The following FOXK2 variants were observed in gnomAD, a reference collection of about 807,000 sequenced individuals.
FOXK2 encodes forkhead box K2.
A neutral mutation model predicts 53.3 loss-of-function variants in FOXK2; 24 were observed. The observed-to-expected ratio is 0.45, with a 90% CI of 0.33 to 0.63. The LOEUF (loss-of-function observed/expected upper bound fraction) is 0.63, where lower values mean the gene tolerates loss of function less well. FOXK2 is among the 30% of genes least tolerant of loss of function. The pLI, the probability that FOXK2 is intolerant of heterozygous loss-of-function variation, is 0.03. For synonymous variants in FOXK2, 505 were observed against 407.1 expected, an observed-to-expected ratio of 1.24 and a Z score of -2.89; for missense variants, 952 against 910.5, an observed-to-expected ratio of 1.05 and a Z score of -0.59.
rs1431861781 is a variant in FOXK2, at chr17:82,604,213, T to C, written c.*2714T>C. ...AGGAACAATTTCAGTAGCTTTGCCCTGAACCAAACGAGAAAACAAAAGGGA... is the reference window on the plus strand; with the variant it reads ...AGGAACAATTTCAGTAGCTTTGCCCCGAACCAAACGAGAAAACAAAAGGGA... On this transcript the variant is annotated 3_prime_UTR_variant, in exon 9 of 9. Coordinates refer to ENST00000335255, the MANE Select transcript of FOXK2 (RefSeq NM_004514.4). 6.6e-6 allele frequency: 1 copy of C among 152,252 alleles called. No homozygotes were observed. The highest frequency in any genetic ancestry group is 2.4e-5 in the African/African-American group (1 of 41,420). 9.4% of individuals were successfully genotyped at this position (152,252 alleles called of 1,614,324 possible).
At chr17:82,577,313 A>G (rs905809835) in intron 4 of FOXK2, 34 of 989,406 alleles carry the variant, frequency 3.4e-5, no homozygotes, top group Non-Finnish European at 5.3e-5. Context: ...AACGTTCTCT[A>G]AATATCCAAC....
rs181332586 is a variant in FOXK2 at position 82,564,892 on chromosome 17, G to A, written c.614+1344G>A. On this transcript the variant is annotated intron_variant, in intron 2 of 8. Transcript: ENST00000335255. ...ATTACAGGCATGCACCACCACGCCC[G>A]GCTAATTTTGTATTTTTAGTAGAGA... Among the ~76,000 whole-genome samples the A allele has an allele frequency of 1.8e-3, 278 of 151,964 alleles. 2 individuals carry two copies. The highest frequency in any genetic ancestry group is 2.5e-4 in the Non-Finnish European group (17 of 67,960).
chr17:82,557,205 T>C (rs1473135745), intron 1 of FOXK2, among the ~76,000 whole-genome samples: 1 of 149,078 alleles, frequency 6.7e-6, no homozygotes, highest in Non-Finnish European at 1.5e-5. Flanking sequence ...GCTAATTTTG[T>C]ATTTTTAATA....
At position 82,563,750 on chromosome 17, in the gene FOXK2, C is replaced by CTTTTTTTTTTTTTTTTTTTT. The variant is rs1567975420; in HGVS notation, c.614+202_614+203insTTTTTTTTTTTTTTTTTTTT. On this transcript the variant is annotated intron_variant, in intron 2 of 8. Coordinates refer to ENST00000335255, the MANE Select transcript of FOXK2 (RefSeq NM_004514.4). Reference sequence around the variant, plus strand: ...GTTCCTGGTTTTTATTTACTCATTCCCTTTTTTTTTTTTTTTTTTGAGAAG... The same window carrying CTTTTTTTTTTTTTTTTTTTT: ...GTTCCTGGTTTTTATTTACTCATTCCTTTTTTTTTTTTTTTTTTTTCTTTTTTTTTTTTTTTTTTGAGAAG... Among the ~76,000 whole-genome samples, 2 of 94,616 alleles carry CTTTTTTTTTTTTTTTTTTTT rather than the reference C, an allele frequency of 2.1e-5. 1 individual carries two copies. The allele number at this position is 94,616 out of a possible 152,430, so 62.1% of individuals were successfully genotyped here. A position where few individuals can be genotyped will look rare whatever the true frequency, so the allele number is the denominator to read the frequency against.
intron 1 of FOXK2, among the ~76,000 whole-genome samples, chr17:82,553,111 T>G (rs1241960065): frequency 6.6e-6 from 1 of 152,122 alleles, no homozygotes; most frequent in Middle Eastern, 3.2e-3. Context: ...GATTTTTGTA[T>G]TTTTAGTAGA....
At position 82,534,788 on chromosome 17, in the gene FOXK2, A is replaced by G. The variant is rs1277092893; in HGVS notation, c.419+14481A>G. ...TCCCCAGAAGTAATATTTATTTTCC[A>G]TGGATCTTTTATCTTGTTCTCTCTT... On this transcript the variant is annotated intron_variant, in intron 1 of 8. Coordinates refer to ENST00000335255, the MANE Select transcript of FOXK2 (RefSeq NM_004514.4). Among the ~76,000 whole-genome samples the G allele has an allele frequency of 3.3e-5, 5 of 152,224 alleles. No homozygotes were observed. The South Asian group carries it at 1.0e-3, about 31-fold the overall frequency.
At chr17:82,564,511 C>G (rs2044832751) in intron 2 of FOXK2, among the ~76,000 whole-genome samples, 1 of 151,994 alleles carries the variant, frequency 6.6e-6, no homozygotes, top group African/African-American at 2.4e-5. Context: ...GCTGGGACAA[C>G]AGATGTGCTC....
At chr17:82,553,359 G>A (rs1453320183) in intron 1 of FOXK2, among the ~76,000 whole-genome samples, 1 of 152,250 alleles carries the variant, frequency 6.6e-6, no homozygotes, top group Non-Finnish European at 1.5e-5. Context: ...GGCCATCCTG[G>A]AGGCCACAGC....
chr17:82,568,311 G>C, intron 3 of FOXK2, 110 bp downstream of exon 3: 1 of 1,292,882 alleles, frequency 7.7e-7, no homozygotes, highest in Non-Finnish European at 1.1e-6. Flanking sequence ...AGCCCTGCCA[G>C]GGCATCGGTG....
chr17:82,575,760 T>C (rs563852759), intron 4 of FOXK2, among the ~76,000 whole-genome samples: 2 of 152,158 alleles, frequency 1.3e-5, no homozygotes, highest in African/African-American at 4.8e-5. Flanking sequence ...TGGGCTTGAG[T>C]AACACCCTAG....
intron 4 of FOXK2, among the ~76,000 whole-genome samples, chr17:82,573,208 A>T (rs900738307): frequency 2.0e-5 from 3 of 151,920 alleles, no homozygotes; most frequent in Admixed American, 1.3e-4. Flanking sequence ...GGAAAAAAAA[A>T]GCCTACCAGC....
intron 6 of FOXK2, 68 bp downstream of exon 6, chr17:82,584,256 A>G: frequency 6.9e-7 from 1 of 1,457,612 alleles, no homozygotes; most frequent in South Asian, 1.4e-5. Flanking sequence ...TGGGCTCCAC[A>G]GAGAAGAAAC....
intron 1 of FOXK2, among the ~76,000 whole-genome samples, chr17:82,537,743 G>C (rs964428630): frequency 5.9e-5 from 9 of 151,688 alleles, no homozygotes; most frequent in Non-Finnish European, 8.8e-5. Context: ...GGCCAACATG[G>C]AAACCCCATC....
At chr17:82,544,204 C>T (rs1290068000) in intron 1 of FOXK2, among the ~76,000 whole-genome samples, 2 of 152,178 alleles carry the variant, frequency 1.3e-5, no homozygotes, top group Non-Finnish European at 2.9e-5. Context: ...TGAGCCACTG[C>T]GCCCGGCCAA....
chr17:82,558,764 T>C (rs937615951), intron 1 of FOXK2, among the ~76,000 whole-genome samples: 2 of 150,476 alleles, frequency 1.3e-5, no homozygotes, highest in African/African-American at 4.9e-5. Context: ...CTTTACATCT[T>C]TTTTTTTTTG....
rs551509299 is a variant in FOXK2 at position 82,557,232 on chromosome 17, A to T, written c.420-6122A>T. Among the ~76,000 whole-genome samples the T allele has an allele frequency of 5.4e-5, 8 of 149,032 alleles. No individual in the cohort carries two copies. In the East Asian group the frequency reaches 9.9e-4, roughly 19 times the overall value. On this transcript the variant is annotated intron_variant, in intron 1 of 8. Transcript: ENST00000335255. ...TTTTTAATAGAGATGGGGTTTCTCC[A>T]TGTTGGTCAGGCTGGTCTCGAACTC...
intron 4 of FOXK2, among the ~76,000 whole-genome samples, chr17:82,573,558 TCTCTCACACACACACA>T (rs1006822338): frequency 4.4e-5 from 4 of 90,726 alleles, no homozygotes; most frequent in East Asian, 4.9e-4. Flanking sequence ...TCTCTCTCTC[TCTCTCACACACACACA>T]CACACACACA....
Position 82,604,252 on chromosome 17 carries a change from C to G in FOXK2, c.*2753C>G, listed in dbSNP as rs948337543. 1.3e-5 allele frequency: 2 copies of G among 151,040 alleles called. No individual in the cohort carries two copies. Among genetic ancestry groups the G allele is most frequent in the Admixed American group, 1.3e-4 (2 of 15,246 alleles). 9.4% of individuals were successfully genotyped at this position (151,040 alleles called of 1,614,324 possible). On this transcript the variant is annotated 3_prime_UTR_variant, in exon 9 of 9. Transcript: ENST00000335255. Reference sequence around the variant, plus strand: ...AAACAAAAGGGAACTCCCGTATGACCCACGTCACGTGGTGCACTCAGAGTG... The same window carrying G: ...AAACAAAAGGGAACTCCCGTATGACGCACGTCACGTGGTGCACTCAGAGTG...
At chr17:82,596,266 C>T in intron 8 of FOXK2, 1 of 933,732 alleles carries the variant, frequency 1.1e-6, no homozygotes. Flanking sequence ...CAGTTGTTCG[C>T]TGACGCCTTA....
Sources: allele counts gnomAD v4.1 joint callset (sites outside exome capture counted in the v4.1 genomes callset), GRCh38; gene constraint gnomAD v4.1.1; transcripts MANE v1.5; gene names NCBI Gene and HGNC (gene_info 2026-07-23, HGNC 2026-07-21).